The following ATP2C1 variants were observed in gnomAD, a reference collection of about 807,000 sequenced individuals.
The protein encoded by ATP2C1 is calcium-transporting ATPase type 2C member 1.
A neutral mutation model predicts 120.5 loss-of-function variants in ATP2C1; 31 were observed. The ratio of observed to expected loss-of-function variants is 0.26; its 90% confidence interval spans 0.19 to 0.35. ATP2C1 has a LOEUF of 0.35. Ranked by LOEUF, ATP2C1 falls within the 10% of genes least tolerant of loss-of-function variation. The pLI is 1.00. For synonymous variants in ATP2C1, 351 were observed against 358.7 expected (o/e 0.98, Z 0.24); for missense variants, 731 against 1,107.5 (o/e 0.66, Z 4.83).
Position 130,967,370 on chromosome 3 carries a change from C to T in ATP2C1, c.1259C>T (p.Thr420Ile), listed in dbSNP as rs760825922. The change falls in exon 16 of 28, where the codon ACT (threonine) becomes ATT (isoleucine). Residue 420 changes from threonine to isoleucine, a missense_variant. Physicochemically the swap from Thr to Ile is moderately conservative, Grantham distance 89 (BLOSUM62 -1). Coordinates refer to ENST00000510168, the MANE Select transcript of ATP2C1 (RefSeq NM_001378687.1). The stretch of plus-strand genomic sequence containing the variant: ...AATGATGCTGTAATTAGAAACAATA[C>T]TCTAATGGGGAAGCCAACAGAAGGG... The part of the protein sequence containing the change: ...VCNDAVIRNN[T>I]LMGKPTEGAL... 32 of 1,613,530 alleles carry T rather than the reference C, an allele frequency of 2.0e-5. No individual in the cohort carries two copies. Among genetic ancestry groups the T allele is most frequent in the Admixed American group, 5.0e-5 (3 of 59,968 alleles).
chr3:130,899,267 G>A (rs2069926007), intron 2 of ATP2C1: 1 of 152,110 alleles, frequency 6.6e-6, no homozygotes, highest in Non-Finnish European at 1.5e-5. Flanking sequence ...TTAACTCTCT[G>A]AAAACTAAAC....
intron 1 of ATP2C1, among the ~76,000 whole-genome samples, chr3:130,883,891 T>A (rs796531963): frequency 2.0e-5 from 3 of 151,822 alleles, no homozygotes; most frequent in African/African-American, 7.2e-5. Context: ...TTTCAAGAAA[T>A]TTTTCAATTT....
At chr3:130,909,469 A>G (rs1438820342) in intron 2 of ATP2C1, among the ~76,000 whole-genome samples, 1 of 152,172 alleles carries the variant, frequency 6.6e-6, no homozygotes, top group Non-Finnish European at 1.5e-5. Context: ...ACTGCCCTTC[A>G]TACTTCTCTA....
intron 2 of ATP2C1, among the ~76,000 whole-genome samples, chr3:130,906,285 A>G (rs1576655688): frequency 2.0e-5 from 3 of 151,958 alleles, no homozygotes; most frequent in African/African-American, 2.4e-5. Flanking sequence ...CTTTGTCTTT[A>G]TGGATTTGCC....
At chr3:130,895,460 A>C (rs2069532771) in intron 2 of ATP2C1, among the ~76,000 whole-genome samples, 1 of 152,228 alleles carries the variant, frequency 6.6e-6, no homozygotes, top group Non-Finnish European at 1.5e-5. Context: ...TTTCCTACAC[A>C]GCACTGATTA....
chr3:130,852,436 A>G (rs1439581799), intron 1 of ATP2C1, among the ~76,000 whole-genome samples: 4 of 152,166 alleles, frequency 2.6e-5, no homozygotes, highest in Non-Finnish European at 5.9e-5. Context: ...GAAGTATTAC[A>G]AAATGCATTC....
chr3:130,945,864 A>G (rs1053183840), intron 8 of ATP2C1, among the ~76,000 whole-genome samples: 1 of 151,928 alleles, frequency 6.6e-6, no homozygotes, highest in Non-Finnish European at 1.5e-5. Context: ...CTTTGTAAGA[A>G]AAAACAGCGT....
chr3:131,003,986 C>G (rs1296709030), downstream of ATP2C1, among the ~76,000 whole-genome samples: 1 of 152,198 alleles, frequency 6.6e-6, no homozygotes, highest in African/African-American at 2.4e-5. Flanking sequence ...AGATGATGAA[C>G]TGGTTATCTT....
intron 2 of ATP2C1, chr3:130,918,910 T>C: frequency 3.1e-6 from 1 of 323,716 alleles, no homozygotes; most frequent in Non-Finnish European, 6.0e-6. Context: ...GAGAATGGCG[T>C]GAACCCGGGA....
intron 22 of ATP2C1, among the ~76,000 whole-genome samples, chr3:130,995,151 T>G (rs2062549541): frequency 6.6e-6 from 1 of 152,130 alleles, no homozygotes; most frequent in Non-Finnish European, 1.5e-5. Context: ...GGGTACCTCA[T>G]GCCTGTAATG....
chr3:131,011,616 G>C (rs973163133), intron 26 of ATP2C1, among the ~76,000 whole-genome samples: 1 of 152,140 alleles, frequency 6.6e-6, no homozygotes, highest in East Asian at 1.9e-4. Flanking sequence ...TTAAAGCCAG[G>C]TCAAAAGCCA....
chr3:130,878,434 T>C (rs2068678193), intron 1 of ATP2C1, among the ~76,000 whole-genome samples: 2 of 152,218 alleles, frequency 1.3e-5, no homozygotes, highest in African/African-American at 4.8e-5. Context: ...TCTGTAGTGA[T>C]AATGTTTAGT....
intron 6 of ATP2C1, among the ~76,000 whole-genome samples, chr3:130,939,938 C>T (rs2059824506): frequency 2.6e-5 from 4 of 152,152 alleles, no homozygotes; most frequent in African/African-American, 4.8e-5. Flanking sequence ...AGACATGAGG[C>T]AAAAATAGCA....
At position 130,894,868 on chromosome 3, in the gene ATP2C1, G is replaced by T; in HGVS notation, c.6+93G>T. On this transcript the variant is annotated intron_variant, in intron 2 of 27. Transcript: ENST00000510168. The surrounding 1 kb of genome is among the most constrained non-coding windows in gnomAD (Gnocchi z 4.5). ...TTTGTTTTTCCACCTTTTTATTTTCGTGAGCTTATTTATTTACTGTGTATG... is the reference window on the plus strand; with the variant it reads ...TTTGTTTTTCCACCTTTTTATTTTCTTGAGCTTATTTATTTACTGTGTATG... 1 of 1,300,084 alleles carries T rather than the reference G, an allele frequency of 7.7e-7. No individual in the cohort carries two copies. The highest frequency in any genetic ancestry group is 1.5e-5 in the African/African-American group (1 of 68,606). The allele number at this position is 1,300,084 out of a possible 1,614,324, so 80.5% of individuals were successfully genotyped here. A position where few individuals can be genotyped will look rare whatever the true frequency, so the allele number is the denominator to read the frequency against.
At position 130,978,124 on chromosome 3, in the gene ATP2C1, C is replaced by T. The variant is rs117502287; in HGVS notation, c.1571-1125C>T. Among the ~76,000 whole-genome samples the T allele has an allele frequency of 3.4e-3, 520 of 152,266 alleles. 16 individuals carry two copies. The highest frequency in any genetic ancestry group is 0.023 in the Admixed American group (346 of 15,288). On this transcript the variant is annotated intron_variant, in intron 18 of 27. Coordinates refer to ENST00000510168, the MANE Select transcript of ATP2C1 (RefSeq NM_001378687.1). ...TGCTGACATATATTTTTGTCACTGT[C>T]CCCTTCTGTTACCATCAGCCTCTAT...
chr3:130,861,514 A>C (rs1223602002), intron 1 of ATP2C1, among the ~76,000 whole-genome samples: 1 of 152,170 alleles, frequency 6.6e-6, no homozygotes, highest in Non-Finnish European at 1.5e-5. Context: ...TTTTGGTCCT[A>C]TTTGGGTTCT....
At position 130,996,371 on chromosome 3, in the gene ATP2C1, T is replaced by G. The variant is rs911351420; in HGVS notation, c.2126+260T>G. 4 of 575,468 alleles carry G rather than the reference T, an allele frequency of 7.0e-6. No homozygotes were observed. In the African/African-American group the frequency reaches 7.5e-5, roughly 11 times the overall value. 35.6% of individuals were successfully genotyped at this position (575,468 alleles called of 1,614,324 possible). A position where few individuals can be genotyped will look rare whatever the true frequency, so the allele number is the denominator to read the frequency against. ...ATTTAATAGCTCACATCTCATTGTTTCCTCTTGGTATCTTTTTCCAAAAGT... is the reference window on the plus strand; with the variant it reads ...ATTTAATAGCTCACATCTCATTGTTGCCTCTTGGTATCTTTTTCCAAAAGT... On this transcript the variant is annotated intron_variant, in intron 23 of 27. Coordinates refer to ENST00000510168, the MANE Select transcript of ATP2C1 (RefSeq NM_001378687.1).
chr3:130,975,235 G>A, intron 17 of ATP2C1, 97 bp from the exon 18 acceptor site: 1 of 1,239,806 alleles, frequency 8.1e-7, no homozygotes, highest in Non-Finnish European at 1.2e-6. Flanking sequence ...TAACTTCTCT[G>A]GGAATTATGA....
intron 2 of ATP2C1, among the ~76,000 whole-genome samples, chr3:130,904,518 T>G (rs2058035752): frequency 6.6e-6 from 1 of 152,196 alleles, no homozygotes; most frequent in East Asian, 1.9e-4. Context: ...CTGCCAGATT[T>G]CTTCATTGTA....
Sources: gnomAD v4.1 joint callset for allele counts (sites outside exome capture counted in the v4.1 genomes callset) on GRCh38, gnomAD v4.1.1 for gene constraint, Gnocchi (gnomAD v3.1) non-coding constraint, MANE v1.5 for transcripts, NCBI Gene and HGNC (gene_info 2026-07-23, HGNC 2026-07-21) for gene names.